The following PANK4 variants were observed in gnomAD, a reference collection of about 807,000 sequenced individuals.
PANK4 encodes the protein 4'-phosphopantetheine phosphatase.
A neutral mutation model predicts 87.9 loss-of-function variants in PANK4; 40 were observed. The ratio of observed to expected loss-of-function variants is 0.46; its 90% CI spans 0.35 to 0.59. PANK4 has a LOEUF of 0.59. Among genes scored for constraint, PANK4 ranks in the 20% least tolerant of loss-of-function variants. The probability of loss-of-function intolerance (pLI) is 0.00; values close to 1 mark genes in which losing one functional copy is unlikely to be tolerated. For missense variants in PANK4, 926 were observed against 1,072.3 expected, an observed-to-expected ratio of 0.86 and a Z score of 1.90; for synonymous variants, 524 against 467.4, an observed-to-expected ratio of 1.12 and a Z score of -1.56.
intron 12 of PANK4, 25 bp from the exon 13 acceptor site, chr1:2,513,064 C>T (rs111415740): frequency 6.4e-7 from 1 of 1,570,168 alleles, no homozygotes; most frequent in Non-Finnish European, 8.7e-7. Context: ...AGATGCCAGG[C>T]CTGAGTGAAG....
Position 2,519,227 on chromosome 1 carries a change from G to T in PANK4, c.951C>A (p.Asp317Glu). The T allele has an allele frequency of 6.2e-7, 1 of 1,612,812 alleles. No homozygotes were observed. The highest frequency in any genetic ancestry group is 1.1e-5 in the South Asian group (1 of 91,088). Residue 317 changes from aspartate to glutamate, a missense_variant, in exon 7 of 19, where the codon GAC (aspartate) becomes GAA (glutamate). By Grantham distance (45) the Asp-to-Glu change is conservative. Transcript: ENST00000378466. This position sits in a 1 kb window ranked among gnomAD's most constrained non-coding sequence, Gnocchi z 8.3. The stretch of plus-strand genomic sequence containing the variant: ...TAAAGAAGCCTCCAAAGTACACGCG[G>T]TCCAGGCTGTGCAGCCGTGCGTGGA... ...ACLHARLHSL[D>E]RVYFGGFFIR...
intron 10 of PANK4, among the ~76,000 whole-genome samples, chr1:2,514,740 G>A (rs907213472): frequency 6.6e-6 from 1 of 151,854 alleles, no homozygotes; most frequent in South Asian, 2.1e-4. Context: ...CCTGGGCTGT[G>A]GTCAGGGCAG....
In PANK4 at chr1:2,520,896, C is replaced by T. The variant is rs1643869396; in HGVS notation, c.433G>A (p.Glu145Lys). Residue 145 changes from glutamate (E) to lysine (K), a missense_variant, in exon 4 of 19, where the codon GAG becomes AAG. Glu to Lys is a moderately conservative substitution (Grantham distance 56, BLOSUM62 1). Coordinates refer to ENST00000378466, the MANE Select transcript of PANK4 (RefSeq NM_018216.4). This position sits in a 1 kb window ranked among gnomAD's most constrained non-coding sequence, Gnocchi z 6.2. ...EEKLRLKVDK[E>K]DVMTCLIKGC... ...TTAATCAGGCACGTCATCACGTCCT[C>T]CTTGTCGACTCTGAAAAGGAAGCGC... 1.3e-6 allele frequency: 2 copies of T among 1,548,626 alleles called. No individual in the cohort carries two copies. The highest frequency in any genetic ancestry group is 2.0e-5 in the Admixed American group (1 of 50,702).
At chr1:2,511,945 C>T (rs1321355302) in intron 13 of PANK4, among the ~76,000 whole-genome samples, 1 of 152,232 alleles carries the variant, frequency 6.6e-6, no homozygotes. Context: ...GTGAAGACCC[C>T]AAATCACTCC....
rs1491128314 is a variant in PANK4, at chr1:2,508,613, T to TAC, written c.*233_*234insGT. Reference sequence around the variant, plus strand: ...ACATACCTGTATAGATCTCTCTATTTATATATATATATATATAAAAGGTTC... The same window carrying TAC: ...ACATACCTGTATAGATCTCTCTATTTACATATATATATATATATAAAAGGTTC... On this transcript the variant is annotated 3_prime_UTR_variant, in exon 19 of 19. Coordinates refer to ENST00000378466, the MANE Select transcript of PANK4 (RefSeq NM_018216.4). This position sits in a 1 kb window ranked among gnomAD's most constrained non-coding sequence, Gnocchi z 5.1. 7.4e-6 allele frequency: 1 copy of TAC among 135,500 alleles called. No individual in the cohort carries two copies. The highest frequency in any genetic ancestry group is 8.0e-5 in the African/African-American group (1 of 12,548). 8.4% of individuals were successfully genotyped at this position (135,500 alleles called of 1,614,324 possible). A position where few individuals can be genotyped will look rare whatever the true frequency, so the allele number is the denominator to read the frequency against.
intron 7 of PANK4, 80 bp from the exon 8 acceptor site, chr1:2,518,677 G>GT: frequency 8.2e-7 from 1 of 1,219,704 alleles, no homozygotes; most frequent in Non-Finnish European, 1.2e-6. Flanking sequence ...AACGTGCGCG[G>GT]GCCTCGCACC....
intron 1 of PANK4, 144 bp from the exon 2 acceptor site, chr1:2,521,944 G>A (rs775210327): frequency 1.0e-5 from 7 of 667,688 alleles, no homozygotes; most frequent in Non-Finnish European, 1.6e-5. Context: ...TAAAAACCCT[G>A]TGGGCACAAA....
chr1:2,517,155 A>C (rs1007935995), intron 9 of PANK4, among the ~76,000 whole-genome samples: 11 of 152,330 alleles, frequency 7.2e-5, no homozygotes, highest in African/African-American at 2.6e-4. Context: ...AAAAGCTGAG[A>C]GCCTGGGGCT....
At position 2,509,013 on chromosome 1, in the gene PANK4, T is replaced by A. The variant is rs1643615389; in HGVS notation, c.2156A>T (p.Asp719Val). ...LAALVRERGA[D>V]LVVIEGMGRA... ...GCCCATGCCCTCGATGACCACCAGA[T>A]CCGCGCCACGCTCCCGCACCAGTGC... Residue 719 changes from aspartate (D) to valine (V), a missense_variant, in exon 19 of 19, where the codon GAT (aspartate) becomes GTT (valine). By Grantham distance (152) the Asp-to-Val change is radical (BLOSUM62 -3). Coordinates refer to ENST00000378466, the MANE Select transcript of PANK4 (RefSeq NM_018216.4). The surrounding 1 kb of genome is among the most constrained non-coding windows in gnomAD (Gnocchi z 4.9). The A allele has an allele frequency of 1.2e-6, 2 of 1,605,150 alleles. No individual in the cohort carries two copies. The highest frequency in any genetic ancestry group is 1.7e-6 in the Non-Finnish European group (2 of 1,179,650).
chr1:2,518,992 C>G, intron 7 of PANK4, 151 bp downstream of exon 7: 3 of 720,980 alleles, frequency 4.2e-6, no homozygotes, highest in Non-Finnish European at 6.9e-6. Context: ...TGTAGGCTGC[C>G]CAGAATCAGT....
chr1:2,516,181 G>A (rs956713750), intron 9 of PANK4, among the ~76,000 whole-genome samples: 10 of 152,152 alleles, frequency 6.6e-5, no homozygotes, highest in African/African-American at 2.2e-4. Flanking sequence ...GCACACAGAG[G>A]TTTGGGGTTC....
chr1:2,520,380 C>A lies in PANK4; in HGVS notation c.641G>T (p.Gly214Val). 6.2e-7 allele frequency: 1 copy of A among 1,612,944 alleles called. No homozygotes were observed. Among genetic ancestry groups the A allele is most frequent in the Non-Finnish European group, 8.5e-7 (1 of 1,179,964 alleles). The change falls in exon 5 of 19, where the codon GGC (glycine) becomes GTC (valine). Residue 214 changes from glycine to valine, a missense_variant. Coordinates refer to ENST00000378466, the MANE Select transcript of PANK4 (RefSeq NM_018216.4). This position sits in a 1 kb window ranked among gnomAD's most constrained non-coding sequence, Gnocchi z 6.2. ...GAAGGTGCCGCCTCCAATGGAGCTG[C>A]CGCCGACCCACTCGAACCTGTCCTC... ...ETEDRFEWVG[G>V]SSIGGGTFWG...
Position 2,519,093 on chromosome 1 carries a change from G to A in PANK4, c.1035+50C>T. On this transcript the variant is annotated intron_variant, in intron 7 of 18. Transcript: ENST00000378466. The surrounding 1 kb of genome is among the most constrained non-coding windows in gnomAD (Gnocchi z 8.3). ...TCTAACCAGCATGACTGATTGGGAA[G>A]ATCCTGGGGGGTCTGCGTTAGAGGC... 1 of 1,540,402 alleles carries A rather than the reference G, an allele frequency of 6.5e-7. No homozygotes were observed. Among genetic ancestry groups the A allele is most frequent in the South Asian group, 1.2e-5 (1 of 85,292 alleles).
At chr1:2,513,176 C>T (rs1643693480) in intron 12 of PANK4, 137 bp from the exon 13 acceptor site, 1 of 900,652 alleles carries the variant, frequency 1.1e-6, no homozygotes, top group South Asian at 1.7e-5. Flanking sequence ...CCACCAGGCA[C>T]AAGCCTATCG....
intron 1 of PANK4, among the ~76,000 whole-genome samples, chr1:2,524,989 T>C (rs1388610454): frequency 6.6e-6 from 1 of 152,252 alleles, no homozygotes; most frequent in African/African-American, 2.4e-5. Flanking sequence ...CTAAAGATGC[T>C]ACTCACACGT....
At position 2,515,036 on chromosome 1, in the gene PANK4, C is replaced by T. The variant is rs1461205358; in HGVS notation, c.1374+526G>A. ...CACGACCCGGCCTCTCCGAGGGCTT[C>T]GTGAAGAGTGCGTGTTGCTACCGGG... On this transcript the variant is annotated intron_variant, in intron 10 of 18. Transcript: ENST00000378466. The surrounding 1 kb of genome is among the most constrained non-coding windows in gnomAD (Gnocchi z 5.0). 1.3e-5 allele frequency among the ~76,000 whole-genome samples: 2 copies of T among 152,182 alleles called. No individual in the cohort carries two copies. The highest frequency in any genetic ancestry group is 2.4e-5 in the African/African-American group (1 of 41,456).
intron 10 of PANK4, 114 bp from the exon 11 acceptor site, chr1:2,514,580 G>GGCCGTTGGGGGCTGCCCA (rs1643728035): frequency 1.7e-6 from 1 of 598,462 alleles, no homozygotes; most frequent in African/African-American, 3.1e-5. Context: ...GGGACTGTCT[G>GGCCGTTGGGGGCTGCCCA]GGGCAGGGTG....
chr1:2,515,866 G>GC lies in PANK4; in HGVS notation c.1219-150dup. ...GGGCCACAGACGAGACCCCCACTGGGCCCCCTCAGCTGCCCGGCGGCCTGA... is the reference window on the plus strand; with the variant it reads ...GGGCCACAGACGAGACCCCCACTGGGCCCCCCTCAGCTGCCCGGCGGCCTGA... On this transcript the variant is annotated intron_variant, in intron 9 of 18. Transcript: ENST00000378466. This position sits in a 1 kb window ranked among gnomAD's most constrained non-coding sequence, Gnocchi z 5.0. The GC allele has an allele frequency of 1.3e-6, 1 of 791,270 alleles. No homozygotes were observed. The highest frequency in any genetic ancestry group is 2.0e-6 in the Non-Finnish European group (1 of 501,694). The allele number at this position is 791,270 out of a possible 1,614,324, so 49.0% of individuals were successfully genotyped here. A position where few individuals can be genotyped will look rare whatever the true frequency, so the allele number is the denominator to read the frequency against.
chr1:2,516,180 G>A (rs912782856), intron 9 of PANK4, among the ~76,000 whole-genome samples: 7 of 152,194 alleles, frequency 4.6e-5, no homozygotes, highest in African/African-American at 1.7e-4. Flanking sequence ...TGCACACAGA[G>A]GTTTGGGGTT....
Sources: allele counts gnomAD v4.1 joint callset (sites outside exome capture counted in the v4.1 genomes callset), GRCh38; gene constraint gnomAD v4.1.1; non-coding constraint Gnocchi (gnomAD v3.1); transcripts MANE v1.5; gene names NCBI Gene and HGNC (gene_info 2026-07-23, HGNC 2026-07-21).